The following PCDH15 variants were observed in gnomAD, a reference collection of about 807,000 sequenced individuals.
PCDH15 encodes the protein protocadherin related 15.
Under a neutral mutation model 178.5 loss-of-function variants are expected in PCDH15, and 129 were observed. That is an observed-to-expected ratio of 0.72 (90% CI 0.63 to 0.84). The LOEUF (loss-of-function observed/expected upper bound fraction) is 0.84. Among genes scored for constraint, PCDH15 ranks in the 40% least tolerant of loss-of-function variants. The pLI, the probability that PCDH15 is intolerant of heterozygous loss-of-function variation, is 0.00. For synonymous variants in PCDH15, 800 were observed against 732.0 expected, an observed-to-expected ratio of 1.09 and a Z score of -1.50; for missense variants, 2,230 against 2,099.9, an observed-to-expected ratio of 1.06 and a Z score of -1.21.
In PCDH15 at chr10:54,451,030, T is replaced by C. The variant is rs577297277; in HGVS notation, c.158-72088A>G. On this transcript the variant is annotated intron_variant, in intron 3 of 37. Coordinates refer to ENST00000644397, the MANE Select transcript of PCDH15 (RefSeq NM_001384140.1). ...CACCTAACTCAAAAATGTAGTATTC[T>C]TATACTCAATATCTGCACATTCTCA... is the stretch of plus-strand genomic sequence containing the variant. Among the ~76,000 whole-genome samples the C allele has an allele frequency of 2.0e-5, 3 of 151,988 alleles. No homozygotes were observed. The South Asian group carries it at 6.2e-4, about 32-fold the overall frequency.
intron 21 of PCDH15, among the ~76,000 whole-genome samples, chr10:53,966,412 C>A (rs2134366831): frequency 6.6e-6 from 1 of 152,120 alleles, no homozygotes. Flanking sequence ...TCCCTTCTTC[C>A]CTTCTTTTTG....
intron 2 of PCDH15, among the ~76,000 whole-genome samples, chr10:55,510,140 T>C (rs1339465744): frequency 6.6e-6 from 1 of 151,992 alleles, no homozygotes; most frequent in African/African-American, 2.4e-5. Context: ...GAACTGAATA[T>C]ATTAACTCTA....
At chr10:53,853,634 G>C (rs2078538644) in intron 28 of PCDH15, among the ~76,000 whole-genome samples, 1 of 152,010 alleles carries the variant, frequency 6.6e-6, no homozygotes, top group African/African-American at 2.4e-5. Flanking sequence ...TGTTTTAAAA[G>C]ATGATATACA....
At chr10:54,812,712 C>A (rs1030071372) in intron 3 of PCDH15, among the ~76,000 whole-genome samples, 12 of 152,120 alleles carry the variant, frequency 7.9e-5, no homozygotes, top group Non-Finnish European at 1.6e-4. Flanking sequence ...CTGCCTCGGC[C>A]TCCCAAAGTG....
chr10:54,197,192 TTC>T (rs1286409869), intron 10 of PCDH15, among the ~76,000 whole-genome samples: 1 of 142,398 alleles, frequency 7.0e-6, no homozygotes, highest in East Asian at 1.9e-4. Context: ...TGTATAAATT[TTC>T]TTTTTTTTCT....
chr10:53,983,487 T>C lies in PCDH15; in HGVS notation c.2868+12162A>G, dbSNP rs562267065. ...GAATGACCAATATGTTTTGACAACA[T>C]GTTGGCAAGTTCCTTATGCAGTTTG... On this transcript the variant is annotated intron_variant, in intron 21 of 37. Transcript: ENST00000644397. Among the ~76,000 whole-genome samples the C allele has an allele frequency of 6.6e-5, 10 of 152,184 alleles. No individual in the cohort carries two copies. In the East Asian group the frequency reaches 1.9e-3, roughly 29 times the overall value.
intron 2 of PCDH15, among the ~76,000 whole-genome samples, chr10:55,514,972 T>C (rs1308423651): frequency 1.4e-5 from 2 of 145,560 alleles, no homozygotes; most frequent in African/African-American, 5.1e-5. Context: ...TATATATAGA[T>C]AGATAGATAG....
At chr10:54,008,255 C>T (rs980869618) in intron 20 of PCDH15, among the ~76,000 whole-genome samples, 4 of 152,054 alleles carry the variant, frequency 2.6e-5, no homozygotes, top group Non-Finnish European at 4.4e-5. Flanking sequence ...TGAGTCAGGA[C>T]GCCTTGACCA....
chr10:55,405,553 T>C (rs1004443187), intron 2 of PCDH15, among the ~76,000 whole-genome samples: 1 of 151,664 alleles, frequency 6.6e-6, no homozygotes, highest in Admixed American at 6.6e-5. Context: ...GTGAGTATCT[T>C]TGGAATTAAC....
chr10:53,930,615 A>G (rs2084974418), intron 25 of PCDH15, among the ~76,000 whole-genome samples: 2 of 152,030 alleles, frequency 1.3e-5, no homozygotes, highest in Admixed American at 1.3e-4. Context: ...TATTTGTTTT[A>G]TCTGAGCTCT....
At chr10:55,058,767 T>C (rs1344035164) in intron 2 of PCDH15, among the ~76,000 whole-genome samples, 1 of 152,166 alleles carries the variant, frequency 6.6e-6, no homozygotes, top group Non-Finnish European at 1.5e-5. Flanking sequence ...AAAGGTCACT[T>C]ATGGAGGCTA....
intron 24 of PCDH15, 36 bp downstream of exon 24, chr10:53,940,830 G>C (rs1335066632): frequency 1.4e-6 from 2 of 1,435,470 alleles, no homozygotes; most frequent in East Asian, 2.3e-5. Flanking sequence ...AAGTTTACTG[G>C]TTGATGGTGA....
intron 2 of PCDH15, among the ~76,000 whole-genome samples, chr10:55,404,446 T>C (rs554169217): frequency 1.5e-3 from 227 of 152,178 alleles, no homozygotes; most frequent in African/African-American, 5.2e-3. Context: ...TTACTTATTA[T>C]AATCTGATGA....
intron 18 of PCDH15, among the ~76,000 whole-genome samples, chr10:54,064,357 G>A (rs2094095777): frequency 2.0e-5 from 3 of 152,144 alleles, no homozygotes; most frequent in Admixed American, 6.5e-5. Flanking sequence ...GTCCACGGGT[G>A]GCCATGGGCA....
chr10:54,577,860 A>G (rs1326141461), intron 2 of PCDH15, among the ~76,000 whole-genome samples: 3 of 143,300 alleles, frequency 2.1e-5, no homozygotes, highest in East Asian at 4.1e-4. Context: ...ATGAATAAAT[A>G]AATAAATAAA....
chr10:54,117,014 T>C (rs539680675), intron 15 of PCDH15, among the ~76,000 whole-genome samples: 2 of 152,286 alleles, frequency 1.3e-5, no homozygotes, highest in African/African-American at 2.4e-5. Context: ...GCTTTGGTGT[T>C]GCTTCGCCAG....
chr10:55,113,184 T>C (rs1340740316), intron 2 of PCDH15, among the ~76,000 whole-genome samples: 2 of 152,210 alleles, frequency 1.3e-5, no homozygotes, highest in Non-Finnish European at 2.9e-5. Flanking sequence ...GCAGCCTGAA[T>C]TGACTAAGGT....
chr10:54,518,462 A>C (rs539936505), intron 3 of PCDH15, among the ~76,000 whole-genome samples: 1 of 152,358 alleles, frequency 6.6e-6, no homozygotes, highest in East Asian at 1.9e-4. Flanking sequence ...AAAATCTAGA[A>C]GAAATGGATA....
At position 53,869,240 on chromosome 10, in the gene PCDH15, A is replaced by G. The variant is rs183244987; in HGVS notation, c.3502-2383T>C. ...TAATTAGTTATCAATGTTAGGTCAC[A>G]TTCTCACTTAAAGGAAAAAGAAAAT... On this transcript the variant is annotated intron_variant, in intron 26 of 37. Transcript: ENST00000644397. Among the ~76,000 whole-genome samples the G allele has an allele frequency of 1.9e-3, 296 of 152,336 alleles. 1 individual carries two copies. The highest frequency in any genetic ancestry group is 6.6e-3 in the African/African-American group (275 of 41,574).
Sources: allele counts gnomAD v4.1 joint callset (sites outside exome capture counted in the v4.1 genomes callset), GRCh38; gene constraint gnomAD v4.1.1; transcripts MANE v1.5; gene names NCBI Gene and HGNC (gene_info 2026-07-23, HGNC 2026-07-21).